VCF1: variants seen among roughly 807,000 people sequenced by gnomAD.
VCF1 encodes the protein protein VCF1.
chr17:73,232,374 T>G, the VCF1 span: 1 of 1,440,310 alleles, frequency 6.9e-7, no homozygotes, highest in Non-Finnish European at 9.1e-7. Context: ...CACCGACTGG[T>G]AACCCCGCCC....
chr17:73,211,371 C>A, the VCF1 span, among the ~76,000 whole-genome samples: 1 of 151,970 alleles, frequency 6.6e-6, no homozygotes, highest in African/African-American at 2.4e-5. Flanking sequence ...AGTTTTGAGA[C>A]CAGCCTAGCC....
At chr17:73,209,584 G>A in the VCF1 span, 2 of 1,585,650 alleles carry the variant, frequency 1.3e-6, no homozygotes, top group Non-Finnish European at 1.7e-6. Flanking sequence ...CTCCCTCAGG[G>A]TCTGGTTGAT....
At chr17:73,207,589 G>T in the VCF1 span, 1 of 860,620 alleles carries the variant, frequency 1.2e-6, no homozygotes, top group Non-Finnish European at 1.7e-6. Context: ...GAGAAAATCT[G>T]TTTTGTTCTG....
chr17:73,224,261 TCCAAAA>T, the VCF1 span, among the ~76,000 whole-genome samples: 4 of 70,352 alleles, frequency 5.7e-5, no homozygotes, highest in African/African-American at 1.7e-4. Context: ...ACGTCGTCTC[TCCAAAA>T]AAAAAAAAAA....
chr17:73,227,295 A>G, the VCF1 span: 1 of 1,527,694 alleles, frequency 6.5e-7, no homozygotes, highest in East Asian at 2.3e-5. Context: ...GAAAAAAAAA[A>G]AAACCCAAAC....
At chr17:73,222,022 C>T in the VCF1 span, among the ~76,000 whole-genome samples, 4 of 112,702 alleles carry the variant, frequency 3.5e-5, no homozygotes, top group South Asian at 3.0e-4. Context: ...GGGGAAAGAG[C>T]GAGACTCTGT....
the VCF1 span, chr17:73,207,709 C>A: frequency 7.7e-7 from 1 of 1,292,154 alleles, no homozygotes; most frequent in African/African-American, 1.5e-5. Context: ...CAGTACGATG[C>A]CAACTGTTAA....
the VCF1 span, among the ~76,000 whole-genome samples, chr17:73,225,861 G>GAAAAAA: frequency 3.3e-5 from 4 of 122,166 alleles, no homozygotes; most frequent in African/African-American, 1.3e-4. Flanking sequence ...AAGCAAATAG[G>GAAAAAA]AAAAAAATAT....
At chr17:73,218,549 A>C in the VCF1 span, among the ~76,000 whole-genome samples, 1 of 152,210 alleles carries the variant, frequency 6.6e-6, no homozygotes, top group Non-Finnish European at 1.5e-5. Flanking sequence ...GTGTATGTGT[A>C]TATCTTCAGT....
chr17:73,214,754 A>G, the VCF1 span, among the ~76,000 whole-genome samples: 1 of 152,210 alleles, frequency 6.6e-6, no homozygotes, highest in African/African-American at 2.4e-5. Context: ...CTGCTATCTT[A>G]GTAGAGAAGT....
chr17:73,209,219 C>G, the VCF1 span: 1 of 351,654 alleles, frequency 2.8e-6, no homozygotes, highest in East Asian at 5.0e-5. Context: ...ATTTGGAAAT[C>G]AGTCTGAATG....
chr17:73,231,963 AGT>A, the VCF1 span: 186 of 1,050,984 alleles, frequency 1.8e-4, 1 homozygote, highest in East Asian at 5.1e-3. Context: ...CCCGGCCCGC[AGT>A]GCACCCCACA....
chr17:73,225,900 T>TATATA, the VCF1 span, among the ~76,000 whole-genome samples: 138 of 77,832 alleles, frequency 1.8e-3, no homozygotes, highest in Non-Finnish European at 2.0e-3. Context: ...TATATATATA[T>TATATA]TTTTTTTTTT....
At chr17:73,214,219 G>A in the VCF1 span, among the ~76,000 whole-genome samples, 2 of 151,750 alleles carry the variant, frequency 1.3e-5, no homozygotes, top group African/African-American at 2.4e-5. Context: ...TCTCACTACT[G>A]TGGAGGCTTA....
At chr17:73,208,556 A>C in the VCF1 span, 1 of 1,380,262 alleles carries the variant, frequency 7.2e-7, no homozygotes, top group Non-Finnish European at 1.0e-6. Flanking sequence ...TTCCAGTTTC[A>C]CTGATGGAAT....
chr17:73,227,347 T>C, the VCF1 span: 5 of 1,170,174 alleles, frequency 4.3e-6, no homozygotes, highest in Non-Finnish European at 5.9e-6. Context: ...CATAACAACA[T>C]ATAAATTTGC....
chr17:73,208,283 C>CT, the VCF1 span: 2 of 1,612,276 alleles, frequency 1.2e-6, no homozygotes, highest in East Asian at 2.2e-5. Flanking sequence ...CAGGCCAACT[C>CT]TAAGGCACTT....
the VCF1 span, among the ~76,000 whole-genome samples, chr17:73,224,930 G>GACAGGACAGCACAGC: frequency 8.2e-5 from 7 of 85,858 alleles, no homozygotes; most frequent in Non-Finnish European, 1.5e-4. Flanking sequence ...GACAGGACAG[G>GACAGGACAGCACAGC]ACAGCACAGC....
chr17:73,225,428 T>TA, the VCF1 span, among the ~76,000 whole-genome samples: 1 of 151,908 alleles, frequency 6.6e-6, no homozygotes, highest in Non-Finnish European at 1.5e-5. Flanking sequence ...TTAATTTTTT[T>TA]AAAAAAGGAT....
Sources: allele counts gnomAD v4.1 joint callset (sites outside exome capture counted in the v4.1 genomes callset), GRCh38; gene constraint gnomAD v4.1.1; transcripts MANE v1.5; gene names NCBI Gene and HGNC (gene_info 2026-07-23, HGNC 2026-07-21).